GATA3: variants seen among roughly 807,000 people sequenced by gnomAD.
The protein encoded by GATA3 is trans-acting T-cell-specific transcription factor GATA-3.
In GATA3, 6 loss-of-function variants were observed where a neutral mutation model predicts 36.0. The ratio of observed to expected loss-of-function variants is 0.17; its 90% CI spans 0.09 to 0.33. The LOEUF is 0.33. Ranked by LOEUF, GATA3 falls within the 10% of genes least tolerant of loss-of-function variation. The pLI, the probability that GATA3 is intolerant of heterozygous loss-of-function variation, is 1.00. For missense variants in GATA3, 514 were observed against 610.1 expected (o/e 0.84, Z 1.66); for synonymous variants, 326 against 273.0 (o/e 1.19, Z -1.92).
rs144796042 is a variant in GATA3, at chr10:8,064,054, G to A, written c.840G>A (p.Thr280=). ...TSTPLWRRDG[T]GHYLCNACGL... ...CCCCACTGTGGCGGCGAGATGGCAC[G>A]GGACACTACCTGTGCAACGCCTGCG... The change falls in exon 4 of 6, where the codon ACG becomes ACA. Residue 280 remains threonine, a synonymous_variant. Transcript: ENST00000379328. 2.5e-6 allele frequency: 4 copies of A among 1,614,166 alleles called. No individual in the cohort carries two copies. Among genetic ancestry groups the A allele is most frequent in the South Asian group, 1.1e-5 (1 of 91,082 alleles).
intron 1 of GATA3, among the ~76,000 whole-genome samples, chr10:8,046,857 G>A (rs1490635546): frequency 6.6e-6 from 1 of 152,054 alleles, no homozygotes; most frequent in African/African-American, 2.4e-5. Context: ...CAAGCAGGAG[G>A]CCCTGCTTGC....
chr10:8,055,908 C>T lies in GATA3; in HGVS notation c.241+12C>T, dbSNP rs754594895. The T allele has an allele frequency of 3.2e-6, 5 of 1,551,956 alleles. No homozygotes were observed. The African/African-American group carries it at 6.8e-5, about 21-fold the overall frequency. Reference sequence around the variant, plus strand: ...TCCGACCCACCACGGTGAGTGCGCCCGGGGTGCCGGGGCTCCCGCCGGCCG... The same window carrying T: ...TCCGACCCACCACGGTGAGTGCGCCTGGGGTGCCGGGGCTCCCGCCGGCCG... On this transcript the variant is annotated intron_variant, in intron 2 of 5. Coordinates refer to ENST00000379328, the MANE Select transcript of GATA3 (RefSeq NM_001002295.2). The surrounding 1 kb of genome is among the most constrained non-coding windows in gnomAD (Gnocchi z 5.4).
Position 8,055,354 on chromosome 10 carries a change from A to C in GATA3, c.-302A>C. 1 of 495,110 alleles carries C rather than the reference A, an allele frequency of 2.0e-6. No individual in the cohort carries two copies. The highest frequency in any genetic ancestry group is 3.6e-6 in the Non-Finnish European group (1 of 275,086). 30.7% of individuals were successfully genotyped at this position (495,110 alleles called of 1,614,324 possible). On this transcript the variant is annotated 5_prime_UTR_variant, in exon 2 of 6. Coordinates refer to ENST00000379328, the MANE Select transcript of GATA3 (RefSeq NM_001002295.2). This position sits in a 1 kb window ranked among gnomAD's most constrained non-coding sequence, Gnocchi z 5.4. Reference sequence around the variant, plus strand: ...CGGTGCAGAGGAGCCTGGCTCGCAGAATTGCAGAGTCGTCGCCCCTTTTTA... The same window carrying C: ...CGGTGCAGAGGAGCCTGGCTCGCAGCATTGCAGAGTCGTCGCCCCTTTTTA...
intron 4 of GATA3, among the ~76,000 whole-genome samples, chr10:8,069,118 C>A (rs1401239903): frequency 6.6e-6 from 1 of 152,160 alleles, no homozygotes. Context: ...ATGAGGCTGG[C>A]TAATTCAAAA....
intron 4 of GATA3, among the ~76,000 whole-genome samples, chr10:8,067,465 C>T (rs560136663): frequency 6.6e-6 from 1 of 152,328 alleles, no homozygotes; most frequent in East Asian, 1.9e-4. Flanking sequence ...TTCTCCATAT[C>T]TGGCAGCTTC....
chr10:8,068,132 A>T (rs1166091051), intron 4 of GATA3, among the ~76,000 whole-genome samples: 2 of 152,108 alleles, frequency 1.3e-5, no homozygotes, highest in Non-Finnish European at 2.9e-5. Context: ...GCGTGAACAG[A>T]GAATAGTCAC....
At chr10:8,072,602 G>T (rs1832948333) in intron 5 of GATA3, among the ~76,000 whole-genome samples, 1 of 152,232 alleles carries the variant, frequency 6.6e-6, no homozygotes, top group Non-Finnish European at 1.5e-5. Context: ...AGAGAGAAAT[G>T]GCAGATGTCT....
At chr10:8,057,378 A>G (rs1453050918) in intron 2 of GATA3, among the ~76,000 whole-genome samples, 2 of 152,202 alleles carry the variant, frequency 1.3e-5, no homozygotes, top group Non-Finnish European at 2.9e-5. Context: ...TGTGCGTTTT[A>G]AATGAAGGCT....
intron 4 of GATA3, among the ~76,000 whole-genome samples, chr10:8,065,448 G>A (rs1832821307): frequency 1.3e-5 from 2 of 151,616 alleles, no homozygotes; most frequent in African/African-American, 2.4e-5. Flanking sequence ...AGTAGAGACA[G>A]GGTTTCGCCT....
At chr10:8,060,827 C>G (rs1832735410) in intron 3 of GATA3, among the ~76,000 whole-genome samples, 1 of 152,184 alleles carries the variant, frequency 6.6e-6, no homozygotes, top group Non-Finnish European at 1.5e-5. Context: ...TACCGATACA[C>G]CGATTTTGGT....
At position 8,055,653 on chromosome 10, in the gene GATA3, G is replaced by T. The variant is rs1291577013; in HGVS notation, c.-3G>T. On this transcript the variant is annotated 5_prime_UTR_variant, in exon 2 of 6. Transcript: ENST00000379328. The surrounding 1 kb of genome is among the most constrained non-coding windows in gnomAD (Gnocchi z 5.4). ...GCGAGAGGGCGCGAGCACAGCCGAG[G>T]CCATGGAGGTGACGGCGGACCAGCC... 1.3e-6 allele frequency: 2 copies of T among 1,554,694 alleles called. No homozygotes were observed. The highest frequency in any genetic ancestry group is 1.7e-6 in the Non-Finnish European group (2 of 1,150,234).
chr10:8,061,024 G>C (rs1349504153), intron 3 of GATA3, among the ~76,000 whole-genome samples: 2 of 151,960 alleles, frequency 1.3e-5, no homozygotes, highest in Admixed American at 6.6e-5. Context: ...GGTGGAGGTG[G>C]TGGGAATTCT....
At position 8,055,961 on chromosome 10, in the gene GATA3, G is replaced by C. The variant is rs1456979039; in HGVS notation, c.241+65G>C. The C allele has an allele frequency of 1.9e-6, 3 of 1,544,966 alleles. No homozygotes were observed. The highest frequency in any genetic ancestry group is 1.4e-5 in the African/African-American group (1 of 72,894). On this transcript the variant is annotated intron_variant, in intron 2 of 5. Coordinates refer to ENST00000379328, the MANE Select transcript of GATA3 (RefSeq NM_001002295.2). This position sits in a 1 kb window ranked among gnomAD's most constrained non-coding sequence, Gnocchi z 5.4. ...TCAGCCGTCCCGGCTCGGGGAGGTCGGGAGGGACCTGAGGGCGGGGAGAGG... is the reference window on the plus strand; with the variant it reads ...TCAGCCGTCCCGGCTCGGGGAGGTCCGGAGGGACCTGAGGGCGGGGAGAGG...
At chr10:8,067,767 G>A (rs554506954) in intron 4 of GATA3, among the ~76,000 whole-genome samples, 47 of 152,322 alleles carry the variant, frequency 3.1e-4, no homozygotes, top group Non-Finnish European at 4.6e-4. Flanking sequence ...GCAGTGAGCC[G>A]AGATCGCGCC....
At chr10:8,048,317 C>T (rs1274080148) in intron 1 of GATA3, among the ~76,000 whole-genome samples, 1 of 152,204 alleles carries the variant, frequency 6.6e-6, no homozygotes, top group Non-Finnish European at 1.5e-5. Flanking sequence ...CTGAACACCG[C>T]GTGCACCCCA....
chr10:8,045,709 G>T (rs1832378900), intron 1 of GATA3, among the ~76,000 whole-genome samples: 1 of 152,202 alleles, frequency 6.6e-6, no homozygotes, highest in Admixed American at 6.5e-5. Context: ...GGGCGGGTAC[G>T]GTGTGTGAGT....
upstream of GATA3, among the ~76,000 whole-genome samples, chr10:8,051,804 C>A (rs571076672): frequency 2.6e-5 from 4 of 151,500 alleles, no homozygotes; most frequent in African/African-American, 9.7e-5. Context: ...CCTGCTCTTG[C>A]CGGCGAGGCG....
rs868200488 is a variant in GATA3 at position 8,071,458 on chromosome 10, G to A, written c.1050+1860G>A. Among the ~76,000 whole-genome samples the A allele has an allele frequency of 3.3e-5, 5 of 152,172 alleles. No individual in the cohort carries two copies. The East Asian group carries it at 7.7e-4, about 24-fold the overall frequency. On this transcript the variant is annotated intron_variant, in intron 5 of 5. Transcript: ENST00000379328. ...ATATGTTTTTTTGAATAGTTAGCTG[G>A]GATGAGATATGATCTCACTTGTGTC...
rs1832619670 is a variant in GATA3 at position 8,055,694 on chromosome 10, C to T, written c.39C>T (p.His13=). 6.4e-7 allele frequency: 1 copy of T among 1,559,854 alleles called. No homozygotes were observed. The highest frequency in any genetic ancestry group is 1.7e-4 in the Middle Eastern group (1 of 5,996). The change falls in exon 2 of 6, where the codon CAC becomes CAT. Residue 13 remains histidine (H), a synonymous_variant. Transcript: ENST00000379328. This position sits in a 1 kb window ranked among gnomAD's most constrained non-coding sequence, Gnocchi z 5.4. ...VTADQPRWVS[H]HHPAVLNGQH... Reference sequence around the variant, plus strand: ...CGGACCAGCCGCGCTGGGTGAGCCACCACCACCCCGCCGTGCTCAACGGGC... The same window carrying T: ...CGGACCAGCCGCGCTGGGTGAGCCATCACCACCCCGCCGTGCTCAACGGGC...
Sources: allele counts gnomAD v4.1 joint callset (sites outside exome capture counted in the v4.1 genomes callset), GRCh38; gene constraint gnomAD v4.1.1; non-coding constraint Gnocchi (gnomAD v3.1); transcripts MANE v1.5; gene names NCBI Gene and HGNC (gene_info 2026-07-23, HGNC 2026-07-21).